Variants in IL1RAPL1 observed in about 807,000 individuals in gnomAD.
IL1RAPL1 encodes the protein interleukin-1 receptor accessory protein-like 1.
IL1RAPL1 carries 3 observed loss-of-function variants against 48.4 expected under a neutral mutation model. The observed-to-expected ratio is 0.06, with a 90% CI of 0.03 to 0.16. The LOEUF (loss-of-function observed/expected upper bound fraction) is 0.16. Ranked by LOEUF, IL1RAPL1 falls within the 10% of genes least tolerant of loss-of-function variation. The pLI, the probability that IL1RAPL1 is intolerant of heterozygous loss-of-function variation, is 1.00. For missense variants in IL1RAPL1, 349 were observed against 530.6 expected (o/e 0.66, Z 3.36); for synonymous variants, 185 against 187.7 (o/e 0.99, Z 0.12).
chrX:29,028,145 A>G (rs1367116353), intron 2 of IL1RAPL1, among the ~76,000 whole-genome samples: 1 of 110,730 alleles, frequency 9.0e-6, no homozygotes, highest in Admixed American at 9.7e-5. Flanking sequence ...AGAATACAAT[A>G]CATTGTTACT....
At chrX:29,514,704 C>T (rs1448027447) in intron 5 of IL1RAPL1, among the ~76,000 whole-genome samples, 1 of 112,602 alleles carries the variant, frequency 8.9e-6, no homozygotes, top group Non-Finnish European at 1.9e-5. Flanking sequence ...CTGCCTTGGC[C>T]TCCCAAAAGT....
At chrX:28,718,625 T>A (rs1274272688) in intron 1 of IL1RAPL1, among the ~76,000 whole-genome samples, 12 of 111,842 alleles carry the variant, frequency 1.1e-4, no homozygotes, top group African/African-American at 3.9e-4. Flanking sequence ...TGAAATAAAT[T>A]TGAAACAAAA....
chrX:29,267,528 C>T (rs1931975340), intron 2 of IL1RAPL1, among the ~76,000 whole-genome samples: 3 of 111,773 alleles, frequency 2.7e-5, no homozygotes, highest in Admixed American at 1.9e-4. Flanking sequence ...CTAACATCCC[C>T]ACACATGAGA....
intron 2 of IL1RAPL1, among the ~76,000 whole-genome samples, chrX:29,252,432 C>T (rs1383539927): frequency 2.6e-5 from 3 of 113,955 alleles, no homozygotes; most frequent in Non-Finnish European, 1.9e-5. Flanking sequence ...TGTTGTATGT[C>T]TGGTTAAATA....
intron 1 of IL1RAPL1, among the ~76,000 whole-genome samples, chrX:28,733,833 A>G (rs1018710272): frequency 2.7e-5 from 3 of 111,499 alleles, no homozygotes; most frequent in Non-Finnish European, 5.6e-5. Flanking sequence ...AGATTCGTAC[A>G]TCTAACTCCT....
intron 5 of IL1RAPL1, among the ~76,000 whole-genome samples, chrX:29,457,187 C>CTT (rs34148272): frequency 2.1e-3 from 198 of 95,033 alleles, no homozygotes; most frequent in South Asian, 7.7e-3. Context: ...TACCTCTATT[C>CTT]TTTTTTTTTT....
chrX:28,647,451 G>A (rs1934626474), intron 1 of IL1RAPL1, among the ~76,000 whole-genome samples: 2 of 111,810 alleles, frequency 1.8e-5, no homozygotes, highest in African/African-American at 6.5e-5. Context: ...CTCCCCAAAT[G>A]AACAACAGAA....
At chrX:29,903,714 C>T (rs1361094794) in intron 6 of IL1RAPL1, among the ~76,000 whole-genome samples, 1 of 111,414 alleles carries the variant, frequency 9.0e-6, no homozygotes, top group Non-Finnish European at 1.9e-5. Context: ...AAATCATGGC[C>T]TAGTTAAAAG....
At chrX:29,042,703 A>G (rs1926873053) in intron 2 of IL1RAPL1, among the ~76,000 whole-genome samples, 2 of 111,845 alleles carry the variant, frequency 1.8e-5, no homozygotes, top group South Asian at 7.4e-4. Context: ...ATTTGTATAT[A>G]TTACAGAACA....
chrX:29,691,223 T>C, intron 6 of IL1RAPL1, among the ~76,000 whole-genome samples: 1 of 111,754 alleles, frequency 8.9e-6, no homozygotes, highest in Non-Finnish European at 1.9e-5. Flanking sequence ...TTCCAGCTCA[T>C]TTAAGTGCAT....
At chrX:28,639,160 A>G (rs1473988415) in intron 1 of IL1RAPL1, among the ~76,000 whole-genome samples, 2 of 112,040 alleles carry the variant, frequency 1.8e-5, no homozygotes, top group Non-Finnish European at 3.8e-5. Context: ...TTATGTATTA[A>G]TCTTCTTCCC....
At chrX:29,951,595 T>A (rs751590292) in intron 9 of IL1RAPL1, among the ~76,000 whole-genome samples, 1 of 111,726 alleles carries the variant, frequency 9.0e-6, no homozygotes, top group East Asian at 2.8e-4. Flanking sequence ...TAGAATCCAA[T>A]AGATTTGTAC....
chrX:29,405,229 A>T (rs960679382), intron 5 of IL1RAPL1, among the ~76,000 whole-genome samples: 10 of 107,252 alleles, frequency 9.3e-5, no homozygotes, highest in African/African-American at 3.5e-4. Context: ...AGAATTTTTG[A>T]TTGGTACTTT....
rs538637633 is a variant in IL1RAPL1 at position 29,639,181 on chromosome X, G to A, written c.704-29249G>A. Among the ~76,000 whole-genome samples the A allele has an allele frequency of 1.7e-4, 15 of 87,128 alleles. No individual in the cohort carries two copies. The South Asian group carries it at 4.8e-3, about 28-fold the overall frequency. The allele number at this position is 87,128 out of a possible 115,157, so 75.7% of individuals were successfully genotyped here. On this transcript the variant is annotated intron_variant, in intron 5 of 10. Coordinates refer to ENST00000378993, the MANE Select transcript of IL1RAPL1 (RefSeq NM_014271.4). Reference sequence around the variant, plus strand: ...AGCATGGGCGACAAAGCGAGACTCCGTCTCAAAAAAAAAAAAAAAACAGGT... The same window carrying A: ...AGCATGGGCGACAAAGCGAGACTCCATCTCAAAAAAAAAAAAAAAACAGGT...
intron 6 of IL1RAPL1, among the ~76,000 whole-genome samples, chrX:29,725,451 T>C (rs1184656820): frequency 8.9e-6 from 1 of 111,804 alleles, no homozygotes; most frequent in African/African-American, 3.3e-5. Flanking sequence ...TGTTCTCTAG[T>C]CACTGATAAG....
At chrX:28,957,854 G>A (rs769605345) in intron 2 of IL1RAPL1, among the ~76,000 whole-genome samples, 1 of 109,870 alleles carries the variant, frequency 9.1e-6, no homozygotes, top group African/African-American at 3.3e-5. Flanking sequence ...AGCTACTCAG[G>A]AGGCTGAGGC....
At chrX:29,840,059 T>TG (rs201445303) in intron 6 of IL1RAPL1, among the ~76,000 whole-genome samples, 18 of 112,318 alleles carry the variant, frequency 1.6e-4, no homozygotes, top group Middle Eastern at 4.6e-3. Flanking sequence ...TATGTTGCAC[T>TG]GGGGGGTCGC....
chrX:28,849,630 T>C lies in IL1RAPL1; in HGVS notation c.82+60205T>C, dbSNP rs182468723. ...ACATCTAATTAGACAACTTGGATTG[T>C]GTCTTACCAGGGTGCATAGATGTAA... On this transcript the variant is annotated intron_variant, in intron 2 of 10. Coordinates refer to ENST00000378993, the MANE Select transcript of IL1RAPL1 (RefSeq NM_014271.4). 2.4e-3 allele frequency among the ~76,000 whole-genome samples: 271 copies of C among 112,307 alleles called. 2 individuals carry two copies. The highest frequency in any genetic ancestry group is 8.3e-3 in the African/African-American group (257 of 30,946).
At chrX:28,588,706 A>G (rs2146872428) in intron 1 of IL1RAPL1, among the ~76,000 whole-genome samples, 1 of 112,517 alleles carries the variant, frequency 8.9e-6, no homozygotes, top group African/African-American at 3.2e-5. Flanking sequence ...AAAAGAAAAG[A>G]AAAAGCTAAA....
Sources: allele counts gnomAD v4.1 joint callset (sites outside exome capture counted in the v4.1 genomes callset), GRCh38; gene constraint gnomAD v4.1.1; transcripts MANE v1.5; gene names NCBI Gene and HGNC (gene_info 2026-07-23, HGNC 2026-07-21).